Variants in MLPH observed in about 807,000 individuals in gnomAD.
The protein encoded by MLPH is exophilin-3.
Under a neutral mutation model 72.1 loss-of-function variants are expected in MLPH, and 51 were observed. The observed-to-expected ratio is 0.71, with a 90% CI of 0.56 to 0.89. The LOEUF (loss-of-function observed/expected upper bound fraction) is 0.89. Among genes scored for constraint, MLPH ranks in the 40% least tolerant of loss-of-function variants. The pLI, the probability that MLPH is intolerant of heterozygous loss-of-function variation, is 0.00. For missense variants in MLPH, 743 were observed against 759.9 expected, an observed-to-expected ratio of 0.98 and a Z score of 0.26; for synonymous variants, 301 against 310.1, an observed-to-expected ratio of 0.97 and a Z score of 0.31.
intron 15 of MLPH, 59 bp downstream of exon 15, chr2:237,552,496 T>C: frequency 1.4e-6 from 2 of 1,423,078 alleles, no homozygotes; most frequent in Non-Finnish European, 2.0e-6. Context: ...GTCAGATTTA[T>C]GTATTAAAAT....
At chr2:237,529,748 G>A (rs952485692) in intron 8 of MLPH, among the ~76,000 whole-genome samples, 1 of 152,206 alleles carries the variant, frequency 6.6e-6, no homozygotes, top group African/African-American at 2.4e-5. Context: ...ATGGAGACCG[G>A]AACCGCAGTT....
At chr2:237,513,407 G>A (rs1422640846) in intron 4 of MLPH, among the ~76,000 whole-genome samples, 1 of 152,192 alleles carries the variant, frequency 6.6e-6, no homozygotes, top group Non-Finnish European at 1.5e-5. Flanking sequence ...CTTTCCCTCG[G>A]TGGTAGCTTT....
At chr2:237,539,179 GAGGGCAC>G (rs1222353128) in intron 9 of MLPH, among the ~76,000 whole-genome samples, 1 of 152,216 alleles carries the variant, frequency 6.6e-6, no homozygotes, top group Non-Finnish European at 1.5e-5. Context: ...ACAGCTGGCT[GAGGGCAC>G]AGGGGTTGCT....
In MLPH at chr2:237,510,128, G is replaced by T. The variant is rs909951152; in HGVS notation, c.111-446G>T. The stretch of plus-strand genomic sequence containing the variant: ...AAACTCACCGAGCCATTTCAGCTGC[G>T]CTCTAGAGGAGCAAACCTGGGGCGT... On this transcript the variant is annotated intron_variant, in intron 2 of 15. Transcript: ENST00000264605. The surrounding 1 kb of genome is among the most constrained non-coding windows in gnomAD (Gnocchi z 4.4). 18 of 261,066 alleles carry T rather than the reference G, an allele frequency of 6.9e-5. No individual in the cohort carries two copies. The highest frequency in any genetic ancestry group is 4.0e-4 in the African/African-American group (18 of 44,848). The allele number at this position is 261,066 out of a possible 1,614,324, so 16.2% of individuals were successfully genotyped here.
intron 2 of MLPH, among the ~76,000 whole-genome samples, chr2:237,501,996 A>T (rs2079662056): frequency 6.6e-6 from 1 of 152,032 alleles, no homozygotes; most frequent in Non-Finnish European, 1.5e-5. Flanking sequence ...TTTTAATTTG[A>T]AGCTTATGTG....
At position 237,504,422 on chromosome 2, in the gene MLPH, TGGC is replaced by T. The variant is rs2079720146; in HGVS notation, c.111-6151_111-6149del. Among the ~76,000 whole-genome samples, 15 of 152,310 alleles carry T rather than the reference TGGC, an allele frequency of 9.8e-5. No homozygotes were observed. The East Asian group carries it at 2.9e-3, about 29-fold the overall frequency. On this transcript the variant is annotated intron_variant, in intron 2 of 15. Transcript: ENST00000264605. ...TAGTAGAGATGGGGATTCACCATGT[TGGC>T]CAGGCTGGTCTCGAACTCCTGACCT...
chr2:237,513,007 C>A (rs1238852156), intron 4 of MLPH, among the ~76,000 whole-genome samples: 1 of 151,882 alleles, frequency 6.6e-6, no homozygotes, highest in Admixed American at 6.6e-5. Context: ...CCCAAGCGCC[C>A]ACAGGGGCTG....
rs773268751 is a variant in MLPH, at chr2:237,546,686, ATG to A, written c.1617+7_1617+8del. 5.0e-6 allele frequency: 8 copies of A among 1,613,248 alleles called. No individual in the cohort carries two copies. The highest frequency in any genetic ancestry group is 6.8e-6 in the Non-Finnish European group (8 of 1,179,276). On this transcript the variant is annotated splice_donor_5th_base_variant and intron_variant, in intron 13 of 15. Coordinates refer to ENST00000264605, the MANE Select transcript of MLPH (RefSeq NM_024101.7). ...CAGACCCTTCAAGTGAGGCCAAGGT[ATG>A]TGTTACTCCATTCAAGCCCCAGACA...
rs762629618 is a variant in MLPH, at chr2:237,540,904, C to A, written c.1393C>A (p.Leu465Met). 1 of 1,612,260 alleles carries A rather than the reference C, an allele frequency of 6.2e-7. No homozygotes were observed. Among genetic ancestry groups the A allele is most frequent in the Admixed American group, 1.7e-5 (1 of 59,870 alleles). The change falls in exon 11 of 16, where the codon CTG (leucine) becomes ATG (methionine). Residue 465 changes from leucine to methionine, a missense_variant. By Grantham distance (15) the Leu-to-Met change is conservative. Transcript: ENST00000264605. ...GACCACAGATGAGGAGCTGTCAGAG[C>A]TGGAGGACAGAGTGGCAGTGACGGC... Reference protein sequence around the residue: ...NRTTDEELSELEDRVAVTASE... With the variant: ...NRTTDEELSEMEDRVAVTASE...
Position 237,510,532 on chromosome 2 carries a change from C to A in MLPH, c.111-42C>A, listed in dbSNP as rs376762161. The A allele has an allele frequency of 1.9e-6, 3 of 1,596,752 alleles. No individual in the cohort carries two copies. In the African/African-American group the frequency reaches 4.0e-5, roughly 21 times the overall value. Reference sequence around the variant, plus strand: ...ACACACTTAAAGCCTGTTGCAAAAACAAGATGCCCAATATATTTCTTGTTT... The same window carrying A: ...ACACACTTAAAGCCTGTTGCAAAAAAAAGATGCCCAATATATTTCTTGTTT... On this transcript the variant is annotated intron_variant, in intron 2 of 15. Transcript: ENST00000264605. This position sits in a 1 kb window ranked among gnomAD's most constrained non-coding sequence, Gnocchi z 4.4.
At chr2:237,499,266 G>A (rs1462565590) in intron 2 of MLPH, among the ~76,000 whole-genome samples, 1 of 151,866 alleles carries the variant, frequency 6.6e-6, no homozygotes, top group Admixed American at 6.6e-5. Flanking sequence ...TAGACCTAAG[G>A]CTGCACTGTC....
At chr2:237,518,480 A>G in intron 4 of MLPH, 59 bp from the exon 5 acceptor site, 1 of 1,423,440 alleles carries the variant, frequency 7.0e-7, no homozygotes, top group South Asian at 1.2e-5. Flanking sequence ...ATGGGCTGAC[A>G]AATGGCTTGT....
intron 1 of MLPH, among the ~76,000 whole-genome samples, chr2:237,489,368 G>A (rs968208158): frequency 1.4e-4 from 22 of 152,220 alleles, no homozygotes; most frequent in African/African-American, 5.3e-4. Flanking sequence ...GTTGCTGCTG[G>A]GGCCATTCCA....
intron 2 of MLPH, among the ~76,000 whole-genome samples, chr2:237,501,316 C>T (rs1046050612): frequency 4.6e-5 from 7 of 152,100 alleles, no homozygotes; most frequent in Non-Finnish European, 8.8e-5. Flanking sequence ...CCTCAGACAC[C>T]CCTGTGATGT....
At chr2:237,548,120 G>C (rs148403627) in intron 13 of MLPH, among the ~76,000 whole-genome samples, 39 of 152,324 alleles carry the variant, frequency 2.6e-4, no homozygotes, top group Admixed American at 1.8e-3. Flanking sequence ...CAAACCAGCC[G>C]GCTCAGGGCA....
At chr2:237,502,828 T>A (rs1022841999) in intron 2 of MLPH, among the ~76,000 whole-genome samples, 34 of 151,938 alleles carry the variant, frequency 2.2e-4, no homozygotes, top group African/African-American at 6.0e-4. Context: ...TTAAAAAAAA[T>A]TTTTTTTTGA....
At chr2:237,536,123 C>T (rs778449737) in intron 9 of MLPH, among the ~76,000 whole-genome samples, 3 of 152,136 alleles carry the variant, frequency 2.0e-5, no homozygotes, top group Non-Finnish European at 4.4e-5. Context: ...GGCCAGGGCT[C>T]CGGAGAAACA....
At chr2:237,531,315 C>T (rs577398123) in intron 8 of MLPH, among the ~76,000 whole-genome samples, 1 of 151,276 alleles carries the variant, frequency 6.6e-6, no homozygotes. Context: ...ACTAGGGTGG[C>T]CAGGATAGAG....
chr2:237,535,805 C>G lies in MLPH; in HGVS notation c.1104+1158C>G, dbSNP rs116249909. ...TGTTACAGCATTTTCCATACAAGGC[C>G]TATAATTACATTGTAGCAATTCACT... is the stretch of plus-strand genomic sequence containing the variant. On this transcript the variant is annotated intron_variant, in intron 9 of 15. Transcript: ENST00000264605. Among the ~76,000 whole-genome samples, 856 of 152,246 alleles carry G rather than the reference C, an allele frequency of 5.6e-3. 13 individuals are homozygous for G. The highest frequency in any genetic ancestry group is 0.02 in the African/African-American group (825 of 41,508).
Sources: gnomAD v4.1 joint callset for allele counts (sites outside exome capture counted in the v4.1 genomes callset) on GRCh38, gnomAD v4.1.1 for gene constraint, Gnocchi (gnomAD v3.1) non-coding constraint, MANE v1.5 for transcripts, NCBI Gene and HGNC (gene_info 2026-07-23, HGNC 2026-07-21) for gene names.